TRPV6: variants seen among roughly 807,000 people sequenced by gnomAD.
TRPV6 encodes Alu-binding protein with zinc finger domain.
Under a neutral mutation model 79.0 loss-of-function variants are expected in TRPV6, and 39 were observed. The observed-to-expected ratio is 0.49, with a 90% CI of 0.38 to 0.64. The LOEUF (loss-of-function observed/expected upper bound fraction) is 0.64, where lower values mean the gene tolerates loss of function less well. Among genes scored for constraint, TRPV6 ranks in the 30% least tolerant of loss-of-function variants. The pLI is 0.00. For synonymous variants in TRPV6, 373 were observed against 391.9 expected (o/e 0.95, Z 0.57); for missense variants, 813 against 1,011.1 (o/e 0.80, Z 2.66).
At chr7:142,881,738 C>G (rs1795196021) in intron 1 of TRPV6, 1 of 152,206 alleles carries the variant, frequency 6.6e-6, no homozygotes, top group African/African-American at 2.4e-5. Flanking sequence ...CTTGAGCAAA[C>G]AGATCAATGA....
At chr7:142,872,564 C>T in intron 13 of TRPV6, 86 bp from the exon 14 acceptor site, 4 of 1,340,006 alleles carry the variant, frequency 3.0e-6, no homozygotes, top group Non-Finnish European at 4.2e-6. Flanking sequence ...TGACCTTCTT[C>T]AGTGGGAGAG....
chr7:142,875,093 G>T lies in TRPV6; in HGVS notation c.1314C>A (p.Ile438=). The T allele has an allele frequency of 6.2e-7, 1 of 1,614,166 alleles. No individual in the cohort carries two copies. The highest frequency in any genetic ancestry group is 8.5e-7 in the Non-Finnish European group (1 of 1,180,042). The change falls in exon 9 of 15, where the codon ATC becomes ATA. Residue 438 remains isoleucine, a synonymous_variant. Coordinates refer to ENST00000359396, the MANE Select transcript of TRPV6 (RefSeq NM_018646.6). ...CACACCTCACCTCTACCAGCAGGAT[G>T]ATGATAGCCCCAATGACAGTCACCA...
chr7:142,876,656 TTCCTGAAGG>T, intron 5 of TRPV6, 73 bp from the exon 6 acceptor site: 1 of 1,612,304 alleles, frequency 6.2e-7, no homozygotes, highest in Non-Finnish European at 8.5e-7. Context: ...CCCTGAGGTC[TTCCTGAAGG>T]TCCCAGCCCC....
chr7:142,878,810 G>A (rs1795136752), intron 1 of TRPV6: 1 of 152,186 alleles, frequency 6.6e-6, no homozygotes, highest in African/African-American at 2.4e-5. Flanking sequence ...AGCAGCACAT[G>A]AGCCCTTATA....
chr7:142,877,068 C>G, intron 4 of TRPV6, 74 bp downstream of exon 4: 1 of 1,527,202 alleles, frequency 6.5e-7, no homozygotes, highest in African/African-American at 1.4e-5. Context: ...AGACAGGATC[C>G]TCCTCTGCCT....
At chr7:142,883,150 A>G (rs1026507150) in intron 1 of TRPV6, 2 of 152,222 alleles carry the variant, frequency 1.3e-5, no homozygotes, top group African/African-American at 4.8e-5. Flanking sequence ...CCTTATGTTC[A>G]ATAAATGTGT....
At position 142,872,117 on chromosome 7, in the gene TRPV6, TGGTGGATGCCTG is replaced by T; in HGVS notation, c.2016-140_2016-129del. The T allele has an allele frequency of 3.0e-6, 4 of 1,326,332 alleles. No homozygotes were observed. In the South Asian group the frequency reaches 6.0e-5, roughly 20 times the overall value. 82.2% of individuals were successfully genotyped at this position (1,326,332 alleles called of 1,614,324 possible). On this transcript the variant is annotated intron_variant, in intron 14 of 14. Coordinates refer to ENST00000359396, the MANE Select transcript of TRPV6 (RefSeq NM_018646.6). ...TGGCCTTTTCCCTTTTCTGCAGCCA[TGGTGGATGCCTG>T]GGTCACTGGCCCCTTGGCAGCTAGG...
At chr7:142,876,996 C>T (rs1238214665) in intron 4 of TRPV6, 146 bp downstream of exon 4, 5 of 1,437,636 alleles carry the variant, frequency 3.5e-6, no homozygotes, top group Non-Finnish European at 4.7e-6. Context: ...GGTAAATTGG[C>T]CTCTAGTCTA....
Position 142,876,419 on chromosome 7 carries a change from C to T in TRPV6, c.871G>A (p.Gly291Ser), listed in dbSNP as rs558162092. 2.0e-5 allele frequency: 33 copies of T among 1,613,548 alleles called. No individual in the cohort carries two copies. The highest frequency in any genetic ancestry group is 2.7e-5 in the Non-Finnish European group (32 of 1,179,800). ...GGACCGTCTCTCACCACAGTGTTAC[C>T]CTCCACTCCAGCCAGCTTGAAAGGG... Residue 291 changes from glycine (G) to serine (S), a missense_variant, in exon 6 of 15, where the codon GGT (glycine) becomes AGT (serine). Around this residue, in one of 3 missense-constraint regions of TRPV6, gnomAD observed 555 missense variants for 631.0 expected, o/e 0.88. Coordinates refer to ENST00000359396, the MANE Select transcript of TRPV6 (RefSeq NM_018646.6).
intron 11 of TRPV6, 65 bp from the exon 12 acceptor site, chr7:142,874,207 C>T (rs1795005164): frequency 9.1e-6 from 14 of 1,546,254 alleles, no homozygotes; most frequent in Non-Finnish European, 1.2e-5. Flanking sequence ...CATCCAGCCT[C>T]TAACAGGTCT....
chr7:142,876,732 C>T lies in TRPV6; in HGVS notation c.706+7G>A. On this transcript the variant is annotated splice_region_variant and intron_variant, in intron 5 of 14. Coordinates refer to ENST00000359396, the MANE Select transcript of TRPV6 (RefSeq NM_018646.6). ...ATCCCAGCTCCCCTCCCCATCTCAG[C>T]TCTTACCCAGGGAGTCCTGGGCCCG... is the stretch of plus-strand genomic sequence containing the variant. 2 of 1,614,142 alleles carry T rather than the reference C, an allele frequency of 1.2e-6. No homozygotes were observed. The highest frequency in any genetic ancestry group is 2.2e-5 in the East Asian group (1 of 44,876).
chr7:142,881,091 C>G (rs1241750718), intron 1 of TRPV6: 2 of 152,160 alleles, frequency 1.3e-5, no homozygotes, highest in Non-Finnish European at 2.9e-5. Flanking sequence ...CATATGCCCA[C>G]AAGGGGACAG....
chr7:142,878,081 G>T, intron 1 of TRPV6, 55 bp from the exon 2 acceptor site: 1 of 1,472,682 alleles, frequency 6.8e-7, no homozygotes. Flanking sequence ...TAGTTGTGGA[G>T]GGAGAGGCCC....
Position 142,872,049 on chromosome 7 carries a change from A to G in TRPV6, c.2016-60T>C. The G allele has an allele frequency of 2.0e-6, 3 of 1,524,540 alleles. No homozygotes were observed. The East Asian group carries it at 6.8e-5, about 35-fold the overall frequency. 94.4% of individuals were successfully genotyped at this position (1,524,540 alleles called of 1,614,324 possible). A position where few individuals can be genotyped will look rare whatever the true frequency, so the allele number is the denominator to read the frequency against. ...GACTTGAAGAACAGATCCAAGAAGG[A>G]TGCTTGTCTGTTATCCCCTGGTCCT... On this transcript the variant is annotated intron_variant, in intron 14 of 14. Coordinates refer to ENST00000359396, the MANE Select transcript of TRPV6 (RefSeq NM_018646.6).
rs1794995775 is a variant in TRPV6, at chr7:142,873,800, TG to T, written c.1640-85del. The T allele has an allele frequency of 1.3e-6, 2 of 1,565,536 alleles. No homozygotes were observed. The highest frequency in any genetic ancestry group is 1.7e-6 in the Non-Finnish European group (2 of 1,145,330). ...CCGGGCTCTGCGTGCATGTCCATCC[TG>T]GTCCCTTCATCTCAATATCACCAGC... On this transcript the variant is annotated intron_variant, in intron 12 of 14. Coordinates refer to ENST00000359396, the MANE Select transcript of TRPV6 (RefSeq NM_018646.6). This position sits in a 1 kb window ranked among gnomAD's most constrained non-coding sequence, Gnocchi z 4.8.
rs769874244 is a variant in TRPV6 at position 142,877,872 on chromosome 7, G to A, written c.346+57C>T. 211 of 1,612,870 alleles carry A rather than the reference G, an allele frequency of 1.3e-4. 1 individual carries two copies. The highest frequency in any genetic ancestry group is 1.5e-4 in the Admixed American group (9 of 59,982). On this transcript the variant is annotated intron_variant, in intron 2 of 14. Transcript: ENST00000359396. ...ACAGCACGAGGTCCTGGGCACTCCT[G>A]GGAGGCCCCATGTGTGGGGCTCACC...
At chr7:142,874,253 C>G in intron 11 of TRPV6, 111 bp from the exon 12 acceptor site, 1 of 1,301,696 alleles carries the variant, frequency 7.7e-7, no homozygotes, top group Non-Finnish European at 1.1e-6. Flanking sequence ...CCCTCTGGGA[C>G]AGGGATTGGC....
In TRPV6 at chr7:142,874,141, A is replaced by G. The variant is rs1176436539; in HGVS notation, c.1574T>C (p.Met525Thr). Residue 525 changes from methionine (M) to threonine (T), a missense_variant and splice_region_variant, in exon 12 of 15, where the codon ATG becomes ACG. By Grantham distance (81) the Met-to-Thr change is moderately conservative. This residue lies in a region of TRPV6 where 94 missense variants were observed against 194.0 expected (regional missense o/e 0.48). Transcript: ENST00000359396. ...GAATCGCATCAGGTCGCCAAAAATC[A>G]TCTAGAAGGAGCAGGAGGCAGAGAA... is the stretch of plus-strand genomic sequence containing the variant. The G allele has an allele frequency of 6.2e-7, 1 of 1,613,518 alleles. No individual in the cohort carries two copies. Among genetic ancestry groups the G allele is most frequent in the Admixed American group, 1.7e-5 (1 of 59,920 alleles).
At position 142,874,661 on chromosome 7, in the gene TRPV6, G is replaced by A. The variant is rs112669500; in HGVS notation, c.1407-5C>T. The A allele has an allele frequency of 3.2e-4, 515 of 1,611,836 alleles. 2 individuals are homozygous for A. In the African/African-American group the frequency reaches 5.8e-3, roughly 18 times the overall value. On this transcript the variant is annotated splice_region_variant and splice_polypyrimidine_tract_variant and intron_variant, in intron 10 of 14. Coordinates refer to ENST00000359396, the MANE Select transcript of TRPV6 (RefSeq NM_018646.6). ...ACCATGAAGGCATAGGTGATGCTGG[G>A]GGAGCAGGGAGGAGGGTGATGAGGG...
Sources: allele counts gnomAD v4.1 joint callset, GRCh38; gene constraint gnomAD v4.1.1; regional missense constraint gnomAD v4.1.1; non-coding constraint Gnocchi (gnomAD v3.1); transcripts MANE v1.5; gene names NCBI Gene and HGNC (gene_info 2026-07-23, HGNC 2026-07-21).